SLC38A1: variants seen among roughly 807,000 people sequenced by gnomAD.
SLC38A1 encodes sodium-coupled neutral amino acid symporter 1.
A neutral mutation model predicts 60.3 loss-of-function variants in SLC38A1; 18 were observed. The ratio of observed to expected loss-of-function variants is 0.30; its 90% CI spans 0.21 to 0.44. The LOEUF (loss-of-function observed/expected upper bound fraction) is 0.44. Among genes scored for constraint, SLC38A1 ranks in the 20% least tolerant of loss-of-function variants. The pLI, the probability that SLC38A1 is intolerant of heterozygous loss-of-function variation, is 1.00. For missense variants in SLC38A1, 448 were observed against 587.2 expected (o/e 0.76, Z 2.45); for synonymous variants, 196 against 212.1 (o/e 0.92, Z 0.66).
At chr12:46,251,800 C>T (rs1022053664) in intron 1 of SLC38A1, among the ~76,000 whole-genome samples, 9 of 152,040 alleles carry the variant, frequency 5.9e-5, no homozygotes, top group African/African-American at 2.2e-4. Context: ...CCATCTCACT[C>T]CAGTTAGAAT....
chr12:46,232,589 C>G lies in SLC38A1; in HGVS notation c.123-2950G>C, dbSNP rs550744277. 3.3e-5 allele frequency among the ~76,000 whole-genome samples: 5 copies of G among 152,360 alleles called. No homozygotes were observed. In the East Asian group the frequency reaches 9.6e-4, roughly 29 times the overall value. On this transcript the variant is annotated intron_variant, in intron 3 of 16. Transcript: ENST00000398637. ...AAAGCAGCCTTCCCTTTCACACAGG[C>G]TGCCCTAAGAAAAGTGGGGACTGGA...
chr12:46,195,622 T>C (rs867536108), intron 16 of SLC38A1: 2 of 155,460 alleles, frequency 1.3e-5, no homozygotes, highest in African/African-American at 4.8e-5. Flanking sequence ...CCGGGCCTCT[T>C]TGCTTACACT....
At position 46,268,047 on chromosome 12, in the gene SLC38A1, C is replaced by A. The variant is rs1006710146; in HGVS notation, c.-209+479G>T. Reference sequence around the variant, plus strand: ...GCTACCCAGCCGGCCGCACGCAGCACCCCCCGGACATCACACGATCTCCTC... The same window carrying A: ...GCTACCCAGCCGGCCGCACGCAGCAACCCCCGGACATCACACGATCTCCTC... On this transcript the variant is annotated intron_variant, in intron 1 of 16. Transcript: ENST00000398637. The surrounding 1 kb of genome is among the most constrained non-coding windows in gnomAD (Gnocchi z 4.4). Among the ~76,000 whole-genome samples, 4 of 152,158 alleles carry A rather than the reference C, an allele frequency of 2.6e-5. No homozygotes were observed. The highest frequency in any genetic ancestry group is 4.8e-5 in the African/African-American group (2 of 41,440).
chr12:46,196,010 G>C, intron 16 of SLC38A1: 1 of 788,130 alleles, frequency 1.3e-6, no homozygotes, highest in Non-Finnish European at 2.0e-6. Flanking sequence ...AGTTGGAAAT[G>C]CAGAAATCAC....
At position 46,198,761 on chromosome 12, in the gene SLC38A1, CA is replaced by C; in HGVS notation, c.1004-19del. 1 of 1,517,254 alleles carries C rather than the reference CA, an allele frequency of 6.6e-7. No individual in the cohort carries two copies. The highest frequency in any genetic ancestry group is 9.0e-7 in the Non-Finnish European group (1 of 1,105,306). 94.0% of individuals were successfully genotyped at this position (1,517,254 alleles called of 1,614,324 possible). ...CACGTTGTCTAAAATGAGGGAAAAGCAAGAGGGTTTTAAAAGGAGACAAAGT... is the reference window on the plus strand; with the variant it reads ...CACGTTGTCTAAAATGAGGGAAAAGCAGAGGGTTTTAAAAGGAGACAAAGT... On this transcript the variant is annotated intron_variant, in intron 13 of 16. Transcript: ENST00000398637.
chr12:46,265,652 A>G (rs1942328831), intron 1 of SLC38A1, among the ~76,000 whole-genome samples: 1 of 152,258 alleles, frequency 6.6e-6, no homozygotes, highest in African/African-American at 2.4e-5. Context: ...GGAAACCCTC[A>G]GAGGTTTTTA....
rs1420479351 is a variant in SLC38A1 at position 46,183,388 on chromosome 12, C to T, written c.*5582G>A. The T allele has an allele frequency of 2.0e-5, 3 of 152,170 alleles. No individual in the cohort carries two copies. The highest frequency in any genetic ancestry group is 4.4e-5 in the Non-Finnish European group (3 of 68,010). The allele number at this position is 152,170 out of a possible 1,614,324, so 9.4% of individuals were successfully genotyped here. A position where few individuals can be genotyped will look rare whatever the true frequency, so the allele number is the denominator to read the frequency against. ...TGTTTGGGGAAAAAAATACCTTAGACAGTCTATGTTGGCGTCAACACTAAA... is the reference window on the plus strand; with the variant it reads ...TGTTTGGGGAAAAAAATACCTTAGATAGTCTATGTTGGCGTCAACACTAAA... On this transcript the variant is annotated 3_prime_UTR_variant, in exon 17 of 17. Transcript: ENST00000398637.
rs1398308586 is a variant in SLC38A1 at position 46,209,116 on chromosome 12, G to A, written c.326C>T (p.Thr109Ile). The change falls in exon 6 of 17, where the codon ACT (threonine) becomes ATT (isoleucine). Residue 109 changes from threonine to isoleucine, a missense_variant. Thr to Ile is a moderately conservative substitution (Grantham distance 89, BLOSUM62 -1). Coordinates refer to ENST00000398637, the MANE Select transcript of SLC38A1 (RefSeq NM_030674.4). ...TGILLFLVLL[T>I]SVTLLSIYSI... is the part of the protein sequence containing the mutation. ...ATATATAGACAGCAATGTCACTGAA[G>A]TCAAAAGTACCCTAAAGCAAAGAAA... is the stretch of plus-strand genomic sequence containing the variant. The A allele has an allele frequency of 6.2e-7, 1 of 1,605,390 alleles. No individual in the cohort carries two copies. The highest frequency in any genetic ancestry group is 1.3e-5 in the African/African-American group (1 of 74,698).
intron 1 of SLC38A1, among the ~76,000 whole-genome samples, chr12:46,249,168 A>AAGAAAAAG (rs1555191156): frequency 7.9e-6 from 1 of 126,442 alleles, no homozygotes; most frequent in African/African-American, 2.9e-5. Context: ...AAAAAAAAAA[A>AAGAAAAAG]AAAAAAAGAA....
chr12:46,258,928 A>C (rs935092635), intron 1 of SLC38A1, among the ~76,000 whole-genome samples: 1 of 152,210 alleles, frequency 6.6e-6, no homozygotes, highest in Non-Finnish European at 1.5e-5. Context: ...TGCTGGGATT[A>C]CAGGCGTGAG....
chr12:46,204,389 C>T lies in SLC38A1; in HGVS notation c.734G>A (p.Cys245Tyr). ...VVIYKKFQIPCIVPELNSTIS... is the reference protein window; with the variant it reads ...VVIYKKFQIPYIVPELNSTIS... ...TGTTGAATTTAGCTCTGGAACAATG[C>T]AGGGAATTTGAAATTTCTTGTAAAT... is the stretch of plus-strand genomic sequence containing the variant. The change falls in exon 11 of 17, where the codon TGC becomes TAC. Residue 245 changes from cysteine to tyrosine, a missense_variant. Cys to Tyr is a radical substitution (Grantham distance 194, BLOSUM62 -2). This residue lies in a region of SLC38A1 where 346 missense variants were observed against 497.5 expected (regional missense o/e 0.70). Coordinates refer to ENST00000398637, the MANE Select transcript of SLC38A1 (RefSeq NM_030674.4). 1.2e-6 allele frequency: 2 copies of T among 1,613,420 alleles called. No homozygotes were observed. Among genetic ancestry groups the T allele is most frequent in the Non-Finnish European group, 1.7e-6 (2 of 1,179,536 alleles).
intron 1 of SLC38A1, among the ~76,000 whole-genome samples, chr12:46,249,019 G>A (rs940748367): frequency 8.6e-5 from 13 of 151,964 alleles, no homozygotes; most frequent in Admixed American, 5.9e-4. Flanking sequence ...AACCAGGTGC[G>A]GTGGCGGGTG....
intron 5 of SLC38A1, among the ~76,000 whole-genome samples, chr12:46,218,046 A>G (rs1940492091): frequency 6.6e-6 from 1 of 152,248 alleles, no homozygotes; most frequent in Admixed American, 6.5e-5. Flanking sequence ...GAAGTATCCC[A>G]GTAAAAATAG....
rs777724703 is a variant in SLC38A1, at chr12:46,198,794, C to T, written c.1004-51G>A. ...TTTTAAAAGGAGACAAAGTATATAG[C>T]TGAATGACAGTTTTTCTGAAAAACA... On this transcript the variant is annotated intron_variant, in intron 13 of 16. Coordinates refer to ENST00000398637, the MANE Select transcript of SLC38A1 (RefSeq NM_030674.4). 3.0e-5 allele frequency: 33 copies of T among 1,090,610 alleles called. No homozygotes were observed. The East Asian group carries it at 6.6e-4, about 22-fold the overall frequency. 67.6% of individuals were successfully genotyped at this position (1,090,610 alleles called of 1,614,324 possible).
Position 46,268,671 on chromosome 12 carries a change from G to A in SLC38A1, c.-354C>T. The stretch of plus-strand genomic sequence containing the variant: ...TGTGGCCCCCGTCAGTAAGGGTTGG[G>A]CAGGGAGCTTGGCGTGGCCTGGCGG... On this transcript the variant is annotated 5_prime_UTR_variant, in exon 1 of 17. Coordinates refer to ENST00000398637, the MANE Select transcript of SLC38A1 (RefSeq NM_030674.4). This position sits in a 1 kb window ranked among gnomAD's most constrained non-coding sequence, Gnocchi z 4.4. 1 of 283,442 alleles carries A rather than the reference G, an allele frequency of 3.5e-6. No individual in the cohort carries two copies. Among genetic ancestry groups the A allele is most frequent in the East Asian group, 1.0e-4 (1 of 9,776 alleles). 17.6% of individuals were successfully genotyped at this position (283,442 alleles called of 1,614,324 possible).
chr12:46,240,323 A>G (rs941131458), intron 2 of SLC38A1, among the ~76,000 whole-genome samples: 13 of 152,110 alleles, frequency 8.5e-5, no homozygotes, highest in African/African-American at 3.1e-4. Flanking sequence ...CAGCCTCCCA[A>G]GTAGCTGTGA....
intron 1 of SLC38A1, among the ~76,000 whole-genome samples, chr12:46,249,893 G>A (rs922568345): frequency 6.6e-6 from 1 of 152,044 alleles, no homozygotes; most frequent in African/African-American, 2.4e-5. Context: ...ATTCACAGAC[G>A]AACTCTACCA....
intron 1 of SLC38A1, among the ~76,000 whole-genome samples, chr12:46,246,712 G>A (rs993505153): frequency 6.6e-6 from 1 of 152,220 alleles, no homozygotes; most frequent in African/African-American, 2.4e-5. Context: ...CCTCAAGTGG[G>A]TCCCTGACCC....
At position 46,213,823 on chromosome 12, in the gene SLC38A1, C is replaced by T. The variant is rs949411182; in HGVS notation, c.315-4696G>A. Among the ~76,000 whole-genome samples the T allele has an allele frequency of 2.2e-4, 34 of 152,292 alleles. No homozygotes were observed. In the Middle Eastern group the frequency reaches 0.017, roughly 76 times the overall value. On this transcript the variant is annotated intron_variant, in intron 5 of 16. Coordinates refer to ENST00000398637, the MANE Select transcript of SLC38A1 (RefSeq NM_030674.4). ...CATCACTAGACTGTAAGACAGACAA[C>T]GACAGTTTAATTCAACTATTTACCT...
Sources: allele counts gnomAD v4.1 joint callset (sites outside exome capture counted in the v4.1 genomes callset), GRCh38; gene constraint gnomAD v4.1.1; regional missense constraint gnomAD v4.1.1; non-coding constraint Gnocchi (gnomAD v3.1); transcripts MANE v1.5; gene names NCBI Gene and HGNC (gene_info 2026-07-23, HGNC 2026-07-21).